Variants in RHOT1 observed in about 807,000 individuals in gnomAD.
RHOT1 encodes mitochondrial Rho GTPase 1.
In RHOT1, 27 loss-of-function variants were observed where a neutral mutation model predicts 95.3. The observed-to-expected ratio is 0.28, with a 90% CI of 0.21 to 0.39. The LOEUF is 0.39. Among genes scored for constraint, RHOT1 ranks in the 10% least tolerant of loss-of-function variants. RHOT1 has a pLI of 1.00. For synonymous variants in RHOT1, 227 were observed against 263.5 expected, an observed-to-expected ratio of 0.86 and a Z score of 1.34; for missense variants, 578 against 786.7, an observed-to-expected ratio of 0.73 and a Z score of 3.17.
intron 19 of RHOT1, among the ~76,000 whole-genome samples, chr17:32,213,496 T>G (rs1287620850): frequency 6.6e-6 from 1 of 152,178 alleles, no homozygotes; most frequent in East Asian, 1.9e-4. Context: ...TTTCAGTCAA[T>G]GAAAAATATG....
intron 8 of RHOT1, among the ~76,000 whole-genome samples, chr17:32,185,141 G>A (rs574921500): frequency 1.3e-5 from 2 of 150,350 alleles, no homozygotes; most frequent in Admixed American, 1.3e-4. Context: ...ACGGAGTTTC[G>A]CTCTTGTTGC....
Position 32,163,938 on chromosome 17 carries a change from C to T in RHOT1, c.38-7105C>T, listed in dbSNP as rs151270855. ...TTGGGAGGCCGAGGCAGGTGGATCA[C>T]GAGGTCAAGAGATCGAGACCATCCT... On this transcript the variant is annotated intron_variant, in intron 1 of 19. Transcript: ENST00000545287. Among the ~76,000 whole-genome samples, 498 of 151,962 alleles carry T rather than the reference C, an allele frequency of 3.3e-3. 4 individuals are homozygous for T. Among genetic ancestry groups the T allele is most frequent in the African/African-American group, 0.011 (475 of 41,492 alleles).
intron 1 of RHOT1, among the ~76,000 whole-genome samples, chr17:32,147,497 C>T (rs1407787999): frequency 1.3e-5 from 2 of 151,924 alleles, no homozygotes; most frequent in East Asian, 3.9e-4. Context: ...AGCCATATTG[C>T]TTTCCATTCT....
intron 7 of RHOT1, 128 bp downstream of exon 7, chr17:32,182,993 A>G (rs995872806): frequency 2.6e-6 from 2 of 759,190 alleles, no homozygotes; most frequent in Non-Finnish European, 4.2e-6. Context: ...TAAACCAAAT[A>G]AAACAGAGAA....
intron 1 of RHOT1, among the ~76,000 whole-genome samples, chr17:32,170,184 G>A (rs2142515350): frequency 6.6e-6 from 1 of 152,300 alleles, no homozygotes; most frequent in South Asian, 2.1e-4. Context: ...GGAGGCCGAG[G>A]CAGGTAGATC....
chr17:32,147,449 G>A (rs1030888389), intron 1 of RHOT1, among the ~76,000 whole-genome samples: 3 of 151,936 alleles, frequency 2.0e-5, no homozygotes, highest in South Asian at 2.1e-4. Flanking sequence ...AACATAGTGA[G>A]ACCCTGCCTC....
rs1247885587 is a variant in RHOT1, at chr17:32,224,706, G to A, written c.1953G>A (p.Met651Ile). 3 of 1,610,642 alleles carry A rather than the reference G, an allele frequency of 1.9e-6. No homozygotes were observed. The highest frequency in any genetic ancestry group is 1.7e-6 in the Non-Finnish European group (2 of 1,177,654). ...TTTTTGCAGTTTTGGGCTTTGCTAT[G>A]TACAAAGCATTATTGAAACAGCGAT... ...ATVFAVLGFA[M>I]YKALLKQR The change falls in exon 20 of 20, where the codon ATG becomes ATA. Residue 651 changes from methionine to isoleucine, a missense_variant. By Grantham distance (10) the Met-to-Ile change is conservative. Transcript: ENST00000545287.
At chr17:32,206,192 CTTTTTTTTTTTTTTT>C (rs71144812) in intron 16 of RHOT1, among the ~76,000 whole-genome samples, 3 of 60,518 alleles carry the variant, frequency 5.0e-5, no homozygotes, top group Non-Finnish European at 9.0e-5. Context: ...TCCATAGAAT[CTTTTTTTTTTTTTTT>C]TTTTTTTTTT....
At chr17:32,194,828 CTT>C (rs11357987) in intron 11 of RHOT1, among the ~76,000 whole-genome samples, 16 of 125,264 alleles carry the variant, frequency 1.3e-4, no homozygotes, top group African/African-American at 3.6e-4. Context: ...CTTTTTCTTT[CTT>C]TTTTTTTTTT....
At chr17:32,208,558 A>C in intron 18 of RHOT1, 1 of 396,218 alleles carries the variant, frequency 2.5e-6, no homozygotes, top group Non-Finnish European at 4.6e-6. Flanking sequence ...AGAATAGTAC[A>C]ATAAAACACA....
intron 1 of RHOT1, among the ~76,000 whole-genome samples, chr17:32,154,892 TAAA>T (rs1210197093): frequency 7.3e-6 from 1 of 137,300 alleles, no homozygotes; most frequent in Non-Finnish European, 1.6e-5. Flanking sequence ...AGGATCCATC[TAAA>T]AAAAAAAAAA....
chr17:32,222,720 T>A, intron 19 of RHOT1: 1 of 255,960 alleles, frequency 3.9e-6, no homozygotes, highest in Non-Finnish European at 6.1e-6. Flanking sequence ...TTTTGTGAGC[T>A]CTGCTGTGAA....
rs761559157 is a variant in RHOT1, at chr17:32,193,258, A to AT, written c.748+19dup. 52 of 1,521,576 alleles carry AT rather than the reference A, an allele frequency of 3.4e-5. No individual in the cohort carries two copies. The highest frequency in any genetic ancestry group is 4.6e-5 in the Non-Finnish European group (51 of 1,097,624). 94.3% of individuals were successfully genotyped at this position (1,521,576 alleles called of 1,614,324 possible). Reference sequence around the variant, plus strand: ...TGACCCTGAAAGGTGGGTAAATGGTATTTTTCCCCCTTTTGAAACTTAATA... The same window carrying AT: ...TGACCCTGAAAGGTGGGTAAATGGTATTTTTTCCCCCTTTTGAAACTTAATA... On this transcript the variant is annotated intron_variant, in intron 10 of 19. Transcript: ENST00000545287.
chr17:32,193,619 CT>C (rs1253125190), intron 10 of RHOT1, among the ~76,000 whole-genome samples: 1 of 152,088 alleles, frequency 6.6e-6, no homozygotes, highest in Non-Finnish European at 1.5e-5. Flanking sequence ...AGAATGTTCC[CT>C]GGAGAATATA....
chr17:32,146,862 ACAGG>A (rs1274660784), intron 1 of RHOT1, among the ~76,000 whole-genome samples: 5 of 148,982 alleles, frequency 3.4e-5, no homozygotes, highest in African/African-American at 1.2e-4. Flanking sequence ...AGCTGGGATG[ACAGG>A]CATGCACCAC....
chr17:32,165,030 AC>A (rs1233189310), intron 1 of RHOT1, among the ~76,000 whole-genome samples: 9 of 151,914 alleles, frequency 5.9e-5, no homozygotes, highest in African/African-American at 9.7e-5. Context: ...AAACAAAAAA[AC>A]AAAACAAAAC....
intron 19 of RHOT1, among the ~76,000 whole-genome samples, chr17:32,216,546 T>C (rs1325473220): frequency 2.0e-5 from 3 of 152,178 alleles, no homozygotes; most frequent in African/African-American, 7.2e-5. Context: ...TGGATAGACA[T>C]CATACCTATT....
At chr17:32,203,816 AT>A in intron 15 of RHOT1, 73 bp from the exon 16 acceptor site, 1 of 1,022,504 alleles carries the variant, frequency 9.8e-7, no homozygotes, top group South Asian at 1.3e-5. Context: ...ACACCTGCAC[AT>A]ATACACAGAG....
chr17:32,156,439 A>T (rs942694041), intron 1 of RHOT1, among the ~76,000 whole-genome samples: 8 of 152,072 alleles, frequency 5.3e-5, no homozygotes, highest in African/African-American at 1.7e-4. Context: ...GCTAATTTTT[A>T]AAATTATTTT....
Sources: allele counts gnomAD v4.1 joint callset (sites outside exome capture counted in the v4.1 genomes callset), GRCh38; gene constraint gnomAD v4.1.1; transcripts MANE v1.5; gene names NCBI Gene and HGNC (gene_info 2026-07-23, HGNC 2026-07-21).